The following ATP10D variants were observed in gnomAD, a reference collection of about 807,000 sequenced individuals.
ATP10D encodes the protein phospholipid-transporting ATPase VD.
A neutral mutation model predicts 144.8 loss-of-function variants in ATP10D; 89 were observed. The observed-to-expected ratio is 0.61, with a 90% CI of 0.52 to 0.73. The LOEUF (loss-of-function observed/expected upper bound fraction) is 0.73, where lower values mean the gene tolerates loss of function less well. Ranked by LOEUF, ATP10D falls within the 30% of genes least tolerant of loss-of-function variation. The probability of loss-of-function intolerance (pLI) is 0.00; values close to 1 mark genes in which losing one functional copy is unlikely to be tolerated. For missense variants in ATP10D, 1,603 were observed against 1,714.8 expected (o/e 0.93, Z 1.15); for synonymous variants, 571 against 615.1 (o/e 0.93, Z 1.06).
chr4:47,523,848 C>T (rs192490506), intron 4 of ATP10D, among the ~76,000 whole-genome samples: 3 of 152,256 alleles, frequency 2.0e-5, no homozygotes, highest in Admixed American at 2.0e-4. Flanking sequence ...ATGAAAACAG[C>T]ATATATAGTG....
At position 47,518,696 on chromosome 4, in the gene ATP10D, AG is replaced by A. The variant is rs535466164; in HGVS notation, c.485+3027del. On this transcript the variant is annotated intron_variant, in intron 3 of 22. Coordinates refer to ENST00000273859, the MANE Select transcript of ATP10D (RefSeq NM_020453.4). ...TGATTTGTAAAATGAGAACTTCAGTAGCCATCTAAGATAATTAACCTTAGTA... is the reference window on the plus strand; with the variant it reads ...TGATTTGTAAAATGAGAACTTCAGTACCATCTAAGATAATTAACCTTAGTA... Among the ~76,000 whole-genome samples, 225 of 152,356 alleles carry A rather than the reference AG, an allele frequency of 1.5e-3. 1 individual carries two copies. Among genetic ancestry groups the A allele is most frequent in the Middle Eastern group, 0.01 (3 of 294 alleles).
Position 47,542,612 on chromosome 4 carries a change from G to T in ATP10D, c.1397-4012G>T, listed in dbSNP as rs550684595. ...CCTGCCTCAGCCTCCCTAGTAGCTG[G>T]GATTACAGGTGCCCGCCACCACACC... On this transcript the variant is annotated intron_variant, in intron 9 of 22. Coordinates refer to ENST00000273859, the MANE Select transcript of ATP10D (RefSeq NM_020453.4). Among the ~76,000 whole-genome samples the T allele has an allele frequency of 3.9e-4, 59 of 152,030 alleles. 1 individual carries two copies. The South Asian group carries it at 0.012, about 30-fold the overall frequency.
At chr4:47,533,048 A>G (rs1167674778) in intron 5 of ATP10D, among the ~76,000 whole-genome samples, 1 of 152,218 alleles carries the variant, frequency 6.6e-6, no homozygotes, top group Non-Finnish European at 1.5e-5. Flanking sequence ...CAATTAATAT[A>G]GAAGCTGAAC....
chr4:47,552,792 T>C (rs1718790022), intron 10 of ATP10D, among the ~76,000 whole-genome samples: 1 of 152,180 alleles, frequency 6.6e-6, no homozygotes, highest in Admixed American at 6.5e-5. Flanking sequence ...AAATCACTAT[T>C]AGCTTCTATG....
intron 2 of ATP10D, among the ~76,000 whole-genome samples, chr4:47,513,688 C>A (rs1716482506): frequency 6.6e-6 from 1 of 152,136 alleles, no homozygotes; most frequent in East Asian, 1.9e-4. Context: ...AACATCTGTG[C>A]TGAGGAGCAA....
At chr4:47,551,468 G>A (rs2109440904) in intron 10 of ATP10D, among the ~76,000 whole-genome samples, 1 of 152,326 alleles carries the variant, frequency 6.6e-6, no homozygotes, top group African/African-American at 2.4e-5. Context: ...CCAGTGGGAG[G>A]TAATATGTGT....
intron 5 of ATP10D, among the ~76,000 whole-genome samples, chr4:47,527,936 A>G (rs557630425): frequency 6.6e-6 from 1 of 152,298 alleles, no homozygotes; most frequent in Non-Finnish European, 1.5e-5. Flanking sequence ...TGACCTGTAT[A>G]CAATGCTCAT....
intron 1 of ATP10D, among the ~76,000 whole-genome samples, chr4:47,494,337 C>T (rs1182543337): frequency 3.3e-5 from 5 of 152,010 alleles, no homozygotes; most frequent in African/African-American, 1.2e-4. Context: ...GTTTTCTTAG[C>T]GATCCTGCAT....
At chr4:47,539,614 T>C (rs1718030322) in intron 9 of ATP10D, among the ~76,000 whole-genome samples, 1 of 152,222 alleles carries the variant, frequency 6.6e-6, no homozygotes, top group African/African-American at 2.4e-5. Flanking sequence ...TCTTAAGACT[T>C]CATCATTCAT....
intron 20 of ATP10D, among the ~76,000 whole-genome samples, chr4:47,581,723 G>A (rs941086147): frequency 1.3e-5 from 2 of 152,118 alleles, no homozygotes; most frequent in African/African-American, 4.8e-5. Flanking sequence ...GTTCCAGGAG[G>A]ATCAATTATG....
In ATP10D at chr4:47,535,529, G is replaced by A. The variant is rs146578598; in HGVS notation, c.797G>A (p.Arg266His). 4.0e-4 allele frequency: 645 copies of A among 1,612,052 alleles called. 3 individuals are homozygous for A. The highest frequency in any genetic ancestry group is 3.8e-3 in the Middle Eastern group (23 of 6,048). Residue 266 changes from arginine to histidine, a missense_variant, in exon 6 of 23, where the codon CGC becomes CAC. Coordinates refer to ENST00000273859, the MANE Select transcript of ATP10D (RefSeq NM_020453.4). The stretch of plus-strand genomic sequence containing the variant: ...TATAGAGAACATTCCAACAAAGAAC[G>A]CGTGGGTCTCAGTAAAGAAAATTTG... ...RGFLEHSNKE[R>H]VGLSKENLLL... is the part of the protein sequence containing the mutation.
At chr4:47,590,981 G>GGT in intron 22 of ATP10D, 61 bp from the exon 23 acceptor site, 2 of 1,095,162 alleles carry the variant, frequency 1.8e-6, no homozygotes. Flanking sequence ...GTATTTGGGG[G>GGT]GGGGGGTTCT....
At chr4:47,519,602 C>T (rs1716845919) in intron 3 of ATP10D, among the ~76,000 whole-genome samples, 1 of 152,166 alleles carries the variant, frequency 6.6e-6, no homozygotes, top group Admixed American at 6.5e-5. Flanking sequence ...TGTGGTTTAA[C>T]CTGTGGTTGC....
At chr4:47,549,165 A>G (rs1414084906) in intron 10 of ATP10D, among the ~76,000 whole-genome samples, 1 of 152,348 alleles carries the variant, frequency 6.6e-6, no homozygotes, top group East Asian at 1.9e-4. Flanking sequence ...CAGTATGTTT[A>G]TGCATCTTTA....
intron 12 of ATP10D, 103 bp from the exon 13 acceptor site, chr4:47,558,820 T>C (rs1719127499): frequency 7.5e-6 from 7 of 933,924 alleles, no homozygotes; most frequent in Admixed American, 7.1e-5. Flanking sequence ...AGAAGGCTTT[T>C]TTATTTGTTT....
chr4:47,561,359 T>C (rs1467251579), intron 14 of ATP10D, among the ~76,000 whole-genome samples: 2 of 152,152 alleles, frequency 1.3e-5, no homozygotes, highest in African/African-American at 2.4e-5. Context: ...CCAATAAATA[T>C]CTTGGTTCAA....
Position 47,515,670 on chromosome 4 carries a change from G to A in ATP10D, c.485G>A (p.Arg162Lys). The change falls in exon 3 of 23, where the codon AGG becomes AAG. Residue 162 changes from arginine to lysine, a missense_variant and splice_region_variant. Arg to Lys is a conservative substitution (Grantham distance 26). Transcript: ENST00000273859. ...AATTTAATAACTAAAGTTTATAGTA[G>A]GTAAGTGTAATGGGACCTTTGCTAA... ...INNLITKVYSRKEKKYIDRCW... is the reference protein window; with the variant it reads ...INNLITKVYSKKEKKYIDRCW... The A allele has an allele frequency of 1.9e-6, 3 of 1,585,388 alleles. No homozygotes were observed. Among genetic ancestry groups the A allele is most frequent in the Non-Finnish European group, 2.6e-6 (3 of 1,154,938 alleles).
At chr4:47,587,813 G>T (rs938142457) in intron 22 of ATP10D, among the ~76,000 whole-genome samples, 1 of 152,164 alleles carries the variant, frequency 6.6e-6, no homozygotes, top group East Asian at 1.9e-4. Context: ...AAAAACAGCC[G>T]CTAAATTTCA....
At chr4:47,542,623 G>A (rs535985187) in intron 9 of ATP10D, among the ~76,000 whole-genome samples, 20 of 151,858 alleles carry the variant, frequency 1.3e-4, no homozygotes, top group African/African-American at 2.9e-4. Context: ...GATTACAGGT[G>A]CCCGCCACCA....
Sources: gnomAD v4.1 joint callset for allele counts (sites outside exome capture counted in the v4.1 genomes callset) on GRCh38, gnomAD v4.1.1 for gene constraint, MANE v1.5 for transcripts, NCBI Gene and HGNC (gene_info 2026-07-23, HGNC 2026-07-21) for gene names.